The following PITPNC1 variants were observed in gnomAD, a reference collection of about 807,000 sequenced individuals.
The protein encoded by PITPNC1 is phosphatidylinositol transfer protein cytoplasmic 1.
A neutral mutation model predicts 44.7 loss-of-function variants in PITPNC1; 18 were observed. The ratio of observed to expected loss-of-function variants is 0.40; its 90% CI spans 0.28 to 0.60. The LOEUF is 0.60. PITPNC1 is among the 20% of genes least tolerant of loss of function. PITPNC1 has a pLI of 0.39. For missense variants in PITPNC1, 290 were observed against 418.4 expected (o/e 0.69, Z 2.68); for synonymous variants, 141 against 149.6 (o/e 0.94, Z 0.42).
intron 6 of PITPNC1, among the ~76,000 whole-genome samples, chr17:67,657,682 A>T (rs960403397): frequency 1.3e-5 from 2 of 152,168 alleles, no homozygotes; most frequent in African/African-American, 4.8e-5. Flanking sequence ...CATACTTCTC[A>T]TTTCTATCCT....
intron 6 of PITPNC1, among the ~76,000 whole-genome samples, chr17:67,658,584 T>C (rs1377201939): frequency 1.3e-5 from 2 of 152,214 alleles, no homozygotes; most frequent in African/African-American, 2.4e-5. Context: ...GCATGCCTAA[T>C]TCTTCCTGGT....
At chr17:67,575,810 CTTT>C (rs2041135760) in intron 4 of PITPNC1, among the ~76,000 whole-genome samples, 1 of 120,424 alleles carries the variant, frequency 8.3e-6, no homozygotes, top group African/African-American at 3.0e-5. Context: ...TTCTTTCTTT[CTTT>C]CTTTCTTTCC....
chr17:67,646,153 C>G (rs1433760299), intron 6 of PITPNC1, among the ~76,000 whole-genome samples: 2 of 152,132 alleles, frequency 1.3e-5, no homozygotes, highest in Non-Finnish European at 2.9e-5. Flanking sequence ...AAAAAAGACT[C>G]TGGTAGCTGT....
chr17:67,459,667 C>T (rs1223142397), intron 1 of PITPNC1: 1 of 152,210 alleles, frequency 6.6e-6, no homozygotes, highest in African/African-American at 2.4e-5. Context: ...CCAGGAATCC[C>T]ATTTACCACA....
Position 67,578,334 on chromosome 17 carries a change from GA to G in PITPNC1, c.366+78del, listed in dbSNP as rs1416826742. 1.3e-5 allele frequency: 13 copies of G among 995,016 alleles called. No homozygotes were observed. In the African/African-American group the frequency reaches 1.9e-4, roughly 14 times the overall value. 61.6% of individuals were successfully genotyped at this position (995,016 alleles called of 1,614,324 possible). A position where few individuals can be genotyped will look rare whatever the true frequency, so the allele number is the denominator to read the frequency against. ...ACAGCACTTCTCACAGCCCCTCTGT[GA>G]CCAGGGCCAGCAGTGGGACCTGTGC... On this transcript the variant is annotated intron_variant, in intron 5 of 8. Transcript: ENST00000581322.
intron 5 of PITPNC1, among the ~76,000 whole-genome samples, chr17:67,615,678 A>G (rs1168916176): frequency 2.0e-5 from 3 of 152,178 alleles, no homozygotes; most frequent in Admixed American, 6.5e-5. Context: ...CTCCAGGTTC[A>G]ATATCGATTT....
chr17:67,441,165 G>T (rs931431263), intron 1 of PITPNC1, among the ~76,000 whole-genome samples: 1 of 152,046 alleles, frequency 6.6e-6, no homozygotes, highest in African/African-American at 2.4e-5. Context: ...ACAGCTCCTT[G>T]TCTGGGACCA....
At chr17:67,398,966 A>G (rs1478649655) in intron 1 of PITPNC1, among the ~76,000 whole-genome samples, 1 of 149,952 alleles carries the variant, frequency 6.7e-6, no homozygotes, top group African/African-American at 2.5e-5. Context: ...TGGTTGACGC[A>G]GAGTTCTTCG....
intron 5 of PITPNC1, among the ~76,000 whole-genome samples, chr17:67,595,117 A>G (rs574799763): frequency 1.3e-5 from 2 of 152,324 alleles, no homozygotes; most frequent in East Asian, 3.9e-4. Context: ...TTTGCATAGG[A>G]TATTGAGATG....
intron 6 of PITPNC1, among the ~76,000 whole-genome samples, chr17:67,655,756 A>G (rs2042259011): frequency 6.6e-6 from 1 of 152,050 alleles, no homozygotes; most frequent in Non-Finnish European, 1.5e-5. Flanking sequence ...CAACATAATG[A>G]GACCTCATTT....
At chr17:67,658,419 G>A (rs761032473) in intron 6 of PITPNC1, among the ~76,000 whole-genome samples, 6 of 152,028 alleles carry the variant, frequency 3.9e-5, no homozygotes, top group South Asian at 4.2e-4. Context: ...ATCAGCATGC[G>A]CTCCCTATTG....
intron 1 of PITPNC1, among the ~76,000 whole-genome samples, chr17:67,477,241 CTTTTTTT>C (rs3052411): frequency 1.0e-5 from 1 of 97,030 alleles, no homozygotes; most frequent in Admixed American, 1.1e-4. Flanking sequence ...ACACCCAGCT[CTTTTTTT>C]TTTTTTTTTT....
At chr17:67,604,891 C>A (rs2041589259) in intron 5 of PITPNC1, among the ~76,000 whole-genome samples, 1 of 152,000 alleles carries the variant, frequency 6.6e-6, no homozygotes, top group Non-Finnish European at 1.5e-5. Flanking sequence ...ACCAGCCTGG[C>A]CAACATCATG....
intron 1 of PITPNC1, among the ~76,000 whole-genome samples, chr17:67,519,525 C>T (rs2040300022): frequency 6.6e-6 from 1 of 152,144 alleles, no homozygotes; most frequent in Non-Finnish European, 1.5e-5. Flanking sequence ...ATATACCAAA[C>T]TTACTGTTTT....
chr17:67,633,765 C>T (rs945195059), intron 6 of PITPNC1, among the ~76,000 whole-genome samples: 3 of 152,268 alleles, frequency 2.0e-5, no homozygotes, highest in Admixed American at 1.3e-4. Flanking sequence ...ATGCGCAGAG[C>T]ATTGTGCAAA....
intron 5 of PITPNC1, among the ~76,000 whole-genome samples, chr17:67,600,146 C>G (rs2041521943): frequency 6.6e-6 from 1 of 152,132 alleles, no homozygotes; most frequent in Non-Finnish European, 1.5e-5. Context: ...TGAAAAGAAT[C>G]CCCTGTGTCT....
At chr17:67,441,049 C>T (rs1181233364) in intron 1 of PITPNC1, among the ~76,000 whole-genome samples, 2 of 152,118 alleles carry the variant, frequency 1.3e-5, no homozygotes, top group Admixed American at 6.6e-5. Context: ...GTTAACCTGG[C>T]TTTGTTTTTA....
At position 67,647,464 on chromosome 17, in the gene PITPNC1, G is replaced by GTTTTTTT. The variant is rs60407940; in HGVS notation, c.462+15249_462+15255dup. Among the ~76,000 whole-genome samples the GTTTTTTT allele has an allele frequency of 1.4e-3, 99 of 72,352 alleles. 2 individuals are homozygous for GTTTTTTT. The highest frequency in any genetic ancestry group is 3.5e-3 in the African/African-American group (77 of 22,264). The allele number at this position is 72,352 out of a possible 152,430, so 47.5% of individuals were successfully genotyped here. ...CACCATCACACCCAGCTAATTTTGG[G>GTTTTTTT]TTTTTTTTTTTTTTTTTTTTTTTTT... On this transcript the variant is annotated intron_variant, in intron 6 of 8. Coordinates refer to ENST00000581322, the MANE Select transcript of PITPNC1 (RefSeq NM_012417.4).
rs78871228 is a variant in PITPNC1, at chr17:67,693,235, C to T, written c.*347C>T. The stretch of plus-strand genomic sequence containing the variant: ...TTTGCACCACTTTTGTTACAAGGTA[C>T]GGTAGAAAATAGTGAAGTCAGTTTC... On this transcript the variant is annotated 3_prime_UTR_variant, in exon 9 of 9. Coordinates refer to ENST00000581322, the MANE Select transcript of PITPNC1 (RefSeq NM_012417.4). 1,176 of 193,458 alleles carry T rather than the reference C, an allele frequency of 6.1e-3. 11 individuals are homozygous for T. Among genetic ancestry groups the T allele is most frequent in the East Asian group, 0.036 (272 of 7,570 alleles). The allele number at this position is 193,458 out of a possible 1,614,324, so 12.0% of individuals were successfully genotyped here.
Sources: allele counts gnomAD v4.1 joint callset (sites outside exome capture counted in the v4.1 genomes callset), GRCh38; gene constraint gnomAD v4.1.1; transcripts MANE v1.5; gene names NCBI Gene and HGNC (gene_info 2026-07-23, HGNC 2026-07-21).